The following DACH1 variants were observed in gnomAD, a reference collection of about 807,000 sequenced individuals.
The protein encoded by DACH1 is dachshund homolog 1.
DACH1 carries 12 observed loss-of-function variants against 54.2 expected under a neutral mutation model. That is an observed-to-expected ratio of 0.22 (90% confidence interval 0.14 to 0.36). The LOEUF (loss-of-function observed/expected upper bound fraction) is 0.36, where lower values mean the gene tolerates loss of function less well. Among genes scored for constraint, DACH1 ranks in the 10% least tolerant of loss-of-function variants. The pLI, the probability that DACH1 is intolerant of heterozygous loss-of-function variation, is 1.00. For missense variants in DACH1, 805 were observed against 929.8 expected, an observed-to-expected ratio of 0.87 and a Z score of 1.75; for synonymous variants, 386 against 366.2, an observed-to-expected ratio of 1.05 and a Z score of -0.62.
intron 1 of DACH1, among the ~76,000 whole-genome samples, chr13:71,833,605 A>C (rs1594278110): frequency 6.6e-6 from 1 of 152,074 alleles, no homozygotes; most frequent in Admixed American, 6.6e-5. Flanking sequence ...CAGAGCCCAC[A>C]CCAACTATGG....
chr13:71,787,026 A>G (rs1232620612), intron 1 of DACH1, among the ~76,000 whole-genome samples: 1 of 152,152 alleles, frequency 6.6e-6, no homozygotes, highest in Non-Finnish European at 1.5e-5. Flanking sequence ...CCCACCAGGG[A>G]GAGAGAACTA....
At chr13:71,707,709 C>A in intron 1 of DACH1, among the ~76,000 whole-genome samples, 1 of 152,028 alleles carries the variant, frequency 6.6e-6, no homozygotes, top group Admixed American at 6.6e-5. Context: ...AAAGTAATAA[C>A]TTTAAGCAAG....
intron 1 of DACH1, among the ~76,000 whole-genome samples, chr13:71,785,284 C>G (rs111285151): frequency 6.6e-6 from 1 of 152,070 alleles, no homozygotes; most frequent in African/African-American, 2.4e-5. Context: ...AAGTGTGTCT[C>G]TCTGTGTCAC....
chr13:71,533,426 T>C lies in DACH1; in HGVS notation c.1570+23598A>G, dbSNP rs74095964. On this transcript the variant is annotated intron_variant, in intron 6 of 10. Transcript: ENST00000613252. ...AGGACAAAACTCCAAGCTTGGCTGT[T>C]ACTTATTTGCCTAATTTTCCTCAGT... Among the ~76,000 whole-genome samples the C allele has an allele frequency of 3.3e-3, 502 of 152,098 alleles. 4 individuals carry two copies. Among genetic ancestry groups the C allele is most frequent in the African/African-American group, 0.011 (475 of 41,528 alleles).
intron 6 of DACH1, among the ~76,000 whole-genome samples, chr13:71,514,361 A>G (rs1312648932): frequency 6.6e-6 from 1 of 151,908 alleles, no homozygotes. Flanking sequence ...TTTGCTGTCA[A>G]TGTAAAGTAA....
At chr13:71,580,861 C>T (rs1872791203) in intron 3 of DACH1, among the ~76,000 whole-genome samples, 1 of 152,112 alleles carries the variant, frequency 6.6e-6, no homozygotes, top group African/African-American at 2.4e-5. Flanking sequence ...TTATTCATCT[C>T]TATTTTGTCT....
chr13:71,650,533 GATA>G (rs1172839133), intron 2 of DACH1, among the ~76,000 whole-genome samples: 1 of 151,958 alleles, frequency 6.6e-6, no homozygotes, highest in Non-Finnish European at 1.5e-5. Context: ...TATTGTAATA[GATA>G]ATAAGATATT....
At chr13:71,758,244 G>A (rs1305038692) in intron 1 of DACH1, among the ~76,000 whole-genome samples, 1 of 152,130 alleles carries the variant, frequency 6.6e-6, no homozygotes, top group African/African-American at 2.4e-5. Flanking sequence ...GGTGTCAGTT[G>A]TGATGTGTGC....
chr13:71,748,874 CTTTCTTTCTTTCTTT>C (rs1884746213), intron 1 of DACH1, among the ~76,000 whole-genome samples: 1 of 20,198 alleles, frequency 5.0e-5, no homozygotes, highest in Non-Finnish European at 2.3e-4. Context: ...TTCTTTCTTT[CTTTCTTTCTTTCTTT>C]CTTTCTTTCT....
chr13:71,865,773 GC>G (rs1488759670), intron 1 of DACH1, 148 bp downstream of exon 1: 5 of 1,244,586 alleles, frequency 4.0e-6, no homozygotes, highest in Non-Finnish European at 5.1e-6. Context: ...CGGCTGGCGA[GC>G]CCCGAGCAGG....
chr13:71,811,679 G>A lies in DACH1; in HGVS notation c.848+54243C>T, dbSNP rs113075277. ...ATCCCCCTCATTCTCTACCTTTGCT[G>A]TTTCACCTGCCATGTTGGTGCAGAG... On this transcript the variant is annotated intron_variant, in intron 1 of 10. Coordinates refer to ENST00000613252, the MANE Select transcript of DACH1 (RefSeq NM_080759.6). Among the ~76,000 whole-genome samples, 366 of 152,254 alleles carry A rather than the reference G, an allele frequency of 2.4e-3. 2 individuals carry two copies. The highest frequency in any genetic ancestry group is 8.6e-3 in the African/African-American group (357 of 41,546).
intron 10 of DACH1, among the ~76,000 whole-genome samples, chr13:71,467,471 A>C (rs1165099020): frequency 6.6e-6 from 1 of 151,496 alleles, no homozygotes; most frequent in Non-Finnish European, 1.5e-5. Flanking sequence ...CACATTGTGC[A>C]CATGTACCCT....
chr13:71,784,190 A>C (rs1346619909), intron 1 of DACH1, among the ~76,000 whole-genome samples: 1 of 152,076 alleles, frequency 6.6e-6, no homozygotes, highest in African/African-American at 2.4e-5. Flanking sequence ...GTAGGAGTAC[A>C]TTTGCACTGT....
At chr13:71,512,400 C>T (rs1880846930) in intron 6 of DACH1, among the ~76,000 whole-genome samples, 1 of 151,814 alleles carries the variant, frequency 6.6e-6, no homozygotes, top group South Asian at 2.1e-4. Flanking sequence ...AGTAAGGGAA[C>T]AGAGGGAGAC....
intron 6 of DACH1, among the ~76,000 whole-genome samples, chr13:71,552,195 C>T (rs548009601): frequency 3.9e-5 from 6 of 152,146 alleles, no homozygotes; most frequent in South Asian, 4.1e-4. Flanking sequence ...AGAAAGAGAG[C>T]GATTGATTTG....
At chr13:71,600,720 A>G (rs1452641948) in intron 3 of DACH1, among the ~76,000 whole-genome samples, 1 of 152,092 alleles carries the variant, frequency 6.6e-6, no homozygotes, top group East Asian at 1.9e-4. Context: ...AGTTATCCAC[A>G]GATAGACTGG....
At chr13:71,661,087 T>C (rs1238407126) in intron 2 of DACH1, among the ~76,000 whole-genome samples, 2 of 150,814 alleles carry the variant, frequency 1.3e-5, no homozygotes, top group Admixed American at 6.6e-5. Context: ...AATATCTTTA[T>C]AAGATTTTCC....
rs1014013201 is a variant in DACH1 at position 71,860,535 on chromosome 13, G to C, written c.848+5387C>G. On this transcript the variant is annotated intron_variant, in intron 1 of 10. Coordinates refer to ENST00000613252, the MANE Select transcript of DACH1 (RefSeq NM_080759.6). ...TCAAACAAAGTTTAACTTTTTAAAA[G>C]AACCAAGTAACAAAAACCTTAAAAT... is the stretch of plus-strand genomic sequence containing the variant. 4.8e-5 allele frequency among the ~76,000 whole-genome samples: 7 copies of C among 144,742 alleles called. No individual in the cohort carries two copies. In the South Asian group the frequency reaches 1.5e-3, roughly 31 times the overall value. The allele number at this position is 144,742 out of a possible 152,430, so 95.0% of individuals were successfully genotyped here.
At chr13:71,461,755 T>C (rs1006763342) in intron 10 of DACH1, among the ~76,000 whole-genome samples, 10 of 151,958 alleles carry the variant, frequency 6.6e-5, no homozygotes, top group Non-Finnish European at 1.3e-4. Context: ...TGGAGAAATT[T>C]GGTAAGGACA....
Sources: allele counts gnomAD v4.1 joint callset (sites outside exome capture counted in the v4.1 genomes callset), GRCh38; gene constraint gnomAD v4.1.1; transcripts MANE v1.5; gene names NCBI Gene and HGNC (gene_info 2026-07-23, HGNC 2026-07-21).